INSR: variants seen among roughly 807,000 people sequenced by gnomAD.
INSR encodes insulin receptor.
Under a neutral mutation model 142.6 loss-of-function variants are expected in INSR, and 67 were observed. The ratio of observed to expected loss-of-function variants is 0.47; its 90% CI spans 0.39 to 0.58. The LOEUF (loss-of-function observed/expected upper bound fraction) is 0.58. Among genes scored for constraint, INSR ranks in the 20% least tolerant of loss-of-function variants. The pLI is 0.00. For synonymous variants in INSR, 756 were observed against 743.1 expected (o/e 1.02, Z -0.28); for missense variants, 1,248 against 1,833.2 (o/e 0.68, Z 5.83).
At chr19:7,123,865 G>A (rs1183393344) in intron 17 of INSR, among the ~76,000 whole-genome samples, 1 of 152,076 alleles carries the variant, frequency 6.6e-6, no homozygotes, top group Admixed American at 6.5e-5. Flanking sequence ...AGAGGTTGCA[G>A]TGAGCCGAGA....
At chr19:7,187,847 C>T (rs569254974) in intron 2 of INSR, among the ~76,000 whole-genome samples, 8 of 152,242 alleles carry the variant, frequency 5.3e-5, no homozygotes, top group African/African-American at 1.9e-4. Flanking sequence ...GCTGAGATTA[C>T]AAGTATGAGC....
intron 2 of INSR, among the ~76,000 whole-genome samples, chr19:7,244,423 C>T (rs573689406): frequency 6.6e-6 from 1 of 152,050 alleles, no homozygotes; most frequent in African/African-American, 2.4e-5. Flanking sequence ...ATCCCAGCTA[C>T]TCAGGAGGCT....
chr19:7,201,483 G>A (rs977693680), intron 2 of INSR, among the ~76,000 whole-genome samples: 1 of 151,236 alleles, frequency 6.6e-6, no homozygotes, highest in African/African-American at 2.4e-5. Flanking sequence ...AAATTAGCTG[G>A]GTGTGGTGGT....
At chr19:7,242,734 C>CCAAAA (rs769179712) in intron 2 of INSR, among the ~76,000 whole-genome samples, 5 of 92,124 alleles carry the variant, frequency 5.4e-5, no homozygotes, top group African/African-American at 2.5e-4. Context: ...GAGACTGCCT[C>CCAAAA]AAAAAAAAAA....
At chr19:7,273,412 A>C (rs1367967176) in intron 1 of INSR, among the ~76,000 whole-genome samples, 2 of 152,102 alleles carry the variant, frequency 1.3e-5, no homozygotes, top group African/African-American at 4.8e-5. Context: ...AGGATGCTTC[A>C]AGTTCTTCAT....
rs760645329 is a variant in INSR, at chr19:7,166,411, A to G, written c.1611-7T>C. ...CGTCACATTCTGATAAGGGCTTTCA[A>G]GACAAAACAGCAGAAGGCAGTTACC... On this transcript the variant is annotated splice_region_variant and splice_polypyrimidine_tract_variant and intron_variant, in intron 7 of 21. Coordinates refer to ENST00000302850, the MANE Select transcript of INSR (RefSeq NM_000208.4). This position sits in a 1 kb window ranked among gnomAD's most constrained non-coding sequence, Gnocchi z 4.1. The G allele has an allele frequency of 6.2e-7, 1 of 1,613,662 alleles. No individual in the cohort carries two copies. Among genetic ancestry groups the G allele is most frequent in the Non-Finnish European group, 8.5e-7 (1 of 1,179,904 alleles).
chr19:7,202,673 G>A (rs1399044491), intron 2 of INSR, among the ~76,000 whole-genome samples: 1 of 151,978 alleles, frequency 6.6e-6, no homozygotes, highest in African/African-American at 2.4e-5. Flanking sequence ...GCTAATTTTT[G>A]TACTTTTAGT....
At chr19:7,201,685 T>C (rs2145047624) in intron 2 of INSR, among the ~76,000 whole-genome samples, 1 of 148,830 alleles carries the variant, frequency 6.7e-6, no homozygotes, top group Non-Finnish European at 1.5e-5. Context: ...TTTTTTGAGT[T>C]GGAGTCTCAC....
At chr19:7,153,326 ACACACCCACG>A (rs1973478259) in intron 9 of INSR, among the ~76,000 whole-genome samples, 1 of 142,460 alleles carries the variant, frequency 7.0e-6, no homozygotes, top group Non-Finnish European at 1.5e-5. Context: ...CACACACCAC[ACACACCCACG>A]CCACACACCA....
At chr19:7,249,617 G>A (rs1215559981) in intron 2 of INSR, among the ~76,000 whole-genome samples, 1 of 152,100 alleles carries the variant, frequency 6.6e-6, no homozygotes, top group Non-Finnish European at 1.5e-5. Flanking sequence ...GGAGGCTAGT[G>A]TGCCAGAACT....
Position 7,166,694 on chromosome 19 carries a change from C to T in INSR, c.1611-290G>A, listed in dbSNP as rs894492200. On this transcript the variant is annotated intron_variant, in intron 7 of 21. Transcript: ENST00000302850. The surrounding 1 kb of genome is among the most constrained non-coding windows in gnomAD (Gnocchi z 4.1). ...CAGCACTTTGGGAGGCCGAGAATGG[C>T]GGATCACCAGAAGTCAGGAGTTCGA... Among the ~76,000 whole-genome samples, 3 of 152,062 alleles carry T rather than the reference C, an allele frequency of 2.0e-5. No individual in the cohort carries two copies. The highest frequency in any genetic ancestry group is 2.9e-5 in the Non-Finnish European group (2 of 67,994).
At chr19:7,275,468 C>A (rs1226095109) in intron 1 of INSR, among the ~76,000 whole-genome samples, 3 of 151,862 alleles carry the variant, frequency 2.0e-5, no homozygotes, top group Admixed American at 2.0e-4. Context: ...ATTGACATTT[C>A]AATGAATTAA....
intron 2 of INSR, among the ~76,000 whole-genome samples, chr19:7,226,924 C>T (rs560018178): frequency 6.6e-6 from 1 of 152,258 alleles, no homozygotes; most frequent in Non-Finnish European, 1.5e-5. Context: ...CTCAGCAGCT[C>T]CACTTGGATG....
rs955406497 is a variant in INSR, at chr19:7,113,438, C to T, written c.*3618G>A. 6.6e-6 allele frequency: 1 copy of T among 152,162 alleles called. No homozygotes were observed. The highest frequency in any genetic ancestry group is 1.5e-5 in the Non-Finnish European group (1 of 68,030). The allele number at this position is 152,162 out of a possible 1,614,324, so 9.4% of individuals were successfully genotyped here. On this transcript the variant is annotated 3_prime_UTR_variant, in exon 22 of 22. Transcript: ENST00000302850. ...TTTCTCACTGCTTCCAATGATGAAACAGCACCTAGGACAGCTCCTAAAACC... is the reference window on the plus strand; with the variant it reads ...TTTCTCACTGCTTCCAATGATGAAATAGCACCTAGGACAGCTCCTAAAACC...
chr19:7,158,977 A>G (rs1311613446), intron 9 of INSR, among the ~76,000 whole-genome samples: 3 of 152,038 alleles, frequency 2.0e-5, no homozygotes, highest in African/African-American at 4.8e-5. Context: ...ATCTCGGCTC[A>G]CTGCAACCTC....
chr19:7,245,361 C>G (rs904748863), intron 2 of INSR, among the ~76,000 whole-genome samples: 1 of 152,130 alleles, frequency 6.6e-6, no homozygotes, highest in African/African-American at 2.4e-5. Context: ...ATGTTCTTAC[C>G]AGGCATGAGC....
chr19:7,241,353 T>A (rs1052522219), intron 2 of INSR, among the ~76,000 whole-genome samples: 4 of 151,974 alleles, frequency 2.6e-5, no homozygotes, highest in South Asian at 2.1e-4. Flanking sequence ...TAAATTTTTT[T>A]AAATTTTTGG....
intron 14 of INSR, among the ~76,000 whole-genome samples, chr19:7,130,748 G>A (rs894688293): frequency 6.6e-6 from 1 of 151,744 alleles, no homozygotes; most frequent in Non-Finnish European, 1.5e-5. Context: ...AAATTACTGA[G>A]TCCCAGTCTC....
intron 2 of INSR, among the ~76,000 whole-genome samples, chr19:7,214,778 C>T (rs1026102198): frequency 1.3e-5 from 2 of 151,856 alleles, no homozygotes; most frequent in African/African-American, 4.8e-5. Flanking sequence ...CCTTCCCTTC[C>T]CTTTTTTTCT....
Sources: allele counts gnomAD v4.1 joint callset (sites outside exome capture counted in the v4.1 genomes callset), GRCh38; gene constraint gnomAD v4.1.1; non-coding constraint Gnocchi (gnomAD v3.1); transcripts MANE v1.5; gene names NCBI Gene and HGNC (gene_info 2026-07-23, HGNC 2026-07-21).